CYSTM1: variants seen among roughly 807,000 people sequenced by gnomAD.
CYSTM1 encodes the protein cysteine rich transmembrane module containing 1.
CYSTM1 carries 4 observed loss-of-function variants against 13.1 expected under a neutral mutation model. The ratio of observed to expected loss-of-function variants is 0.31; its 90% CI spans 0.15 to 0.70. The LOEUF is 0.70. CYSTM1 is among the 30% of genes least tolerant of loss of function. The pLI is 0.72. For synonymous variants in CYSTM1, 36 were observed against 42.7 expected, an observed-to-expected ratio of 0.84 and a Z score of 0.62; for missense variants, 96 against 121.6, an observed-to-expected ratio of 0.79 and a Z score of 0.99.
intron 2 of CYSTM1, chr5:140,202,516 T>C (rs1301001339): frequency 6.6e-6 from 1 of 152,256 alleles, no homozygotes; most frequent in East Asian, 1.9e-4. Flanking sequence ...GGACAGGGCT[T>C]GAGCAGAAAG....
intron 2 of CYSTM1, among the ~76,000 whole-genome samples, chr5:140,237,822 A>G (rs17118759): frequency 0.23 from 35,153 of 152,138 alleles, 4,100 homozygotes; most frequent in African/African-American, 0.25. Context: ...GTTTCTCAGA[A>G]GGCTTGGTCT....
At chr5:140,240,136 C>G (rs1337298541) in intron 2 of CYSTM1, among the ~76,000 whole-genome samples, 1 of 152,064 alleles carries the variant, frequency 6.6e-6, no homozygotes, top group Non-Finnish European at 1.5e-5. Flanking sequence ...CTGCTACCAA[C>G]GTGCCCAGAA....
intron 2 of CYSTM1, among the ~76,000 whole-genome samples, chr5:140,229,532 T>A (rs1764596522): frequency 6.6e-6 from 1 of 152,110 alleles, no homozygotes; most frequent in South Asian, 2.1e-4. Context: ...TATGAGAAAT[T>A]TTAGAAGTCA....
At chr5:140,191,169 G>C (rs1764090128) in intron 1 of CYSTM1, among the ~76,000 whole-genome samples, 1 of 152,234 alleles carries the variant, frequency 6.6e-6, no homozygotes, top group Middle Eastern at 3.4e-3. Flanking sequence ...GACTTTTGCT[G>C]TTCTCTCACT....
chr5:140,198,561 G>A (rs1764181931), intron 2 of CYSTM1, among the ~76,000 whole-genome samples: 2 of 152,208 alleles, frequency 1.3e-5, no homozygotes, highest in South Asian at 4.1e-4. Flanking sequence ...GAAGCTGCCA[G>A]GATTTTGGGC....
chr5:140,223,040 A>C (rs1264118391), intron 2 of CYSTM1, among the ~76,000 whole-genome samples: 1 of 152,168 alleles, frequency 6.6e-6, no homozygotes, highest in South Asian at 2.1e-4. Flanking sequence ...TCTCTGCCTC[A>C]GTGCTGTATT....
chr5:140,223,353 G>T (rs900665590), intron 2 of CYSTM1, among the ~76,000 whole-genome samples: 4 of 152,192 alleles, frequency 2.6e-5, no homozygotes, highest in African/African-American at 7.2e-5. Context: ...ATATTTTGTT[G>T]TCAAGGCATT....
At chr5:140,238,677 C>T (rs937441913) in intron 2 of CYSTM1, among the ~76,000 whole-genome samples, 4 of 152,216 alleles carry the variant, frequency 2.6e-5, no homozygotes, top group Middle Eastern at 3.2e-3. Context: ...CTGCAGGAGC[C>T]GTCTCATGGC....
In CYSTM1 at chr5:140,212,397, C is replaced by T. The variant is rs180740585; in HGVS notation, c.187+17745C>T. On this transcript the variant is annotated intron_variant, in intron 2 of 2. Coordinates refer to ENST00000261811, the MANE Select transcript of CYSTM1 (RefSeq NM_032412.4). ...GATGCTGGTGTAAACGAACCTACTG[C>T]GCTGCCAGCTGTATAAAAGCATGGC... 4.2e-3 allele frequency among the ~76,000 whole-genome samples: 640 copies of T among 152,258 alleles called. 3 individuals are homozygous for T. Among genetic ancestry groups the T allele is most frequent in the Middle Eastern group, 0.017 (5 of 294 alleles).
intron 2 of CYSTM1, among the ~76,000 whole-genome samples, chr5:140,195,108 A>G (rs1445234223): frequency 3.3e-5 from 5 of 151,926 alleles, no homozygotes; most frequent in Admixed American, 6.6e-5. Flanking sequence ...TTAACCTGCC[A>G]GTTGAGTTTT....
At chr5:140,196,645 G>C (rs1171355582) in intron 2 of CYSTM1, among the ~76,000 whole-genome samples, 1 of 152,234 alleles carries the variant, frequency 6.6e-6, no homozygotes, top group Non-Finnish European at 1.5e-5. Flanking sequence ...AATCGGAGTA[G>C]TTGGTATTCA....
chr5:140,204,922 T>A (rs959163108), intron 2 of CYSTM1, among the ~76,000 whole-genome samples: 1 of 152,230 alleles, frequency 6.6e-6, no homozygotes, highest in Non-Finnish European at 1.5e-5. Context: ...CTTGCTATTT[T>A]AACTCCCATA....
At chr5:140,222,447 T>G (rs1406647732) in intron 2 of CYSTM1, among the ~76,000 whole-genome samples, 1 of 152,216 alleles carries the variant, frequency 6.6e-6, no homozygotes, top group Non-Finnish European at 1.5e-5. Flanking sequence ...ACTTAGGAAG[T>G]AGAGATGGCT....
chr5:140,205,958 A>G (rs929454497), intron 2 of CYSTM1, among the ~76,000 whole-genome samples: 4 of 152,126 alleles, frequency 2.6e-5, no homozygotes, highest in African/African-American at 9.7e-5. Context: ...AAGACCGCCT[A>G]ATAGCTTTCC....
At chr5:140,210,342 T>C (rs1764349466) in intron 2 of CYSTM1, among the ~76,000 whole-genome samples, 1 of 152,128 alleles carries the variant, frequency 6.6e-6, no homozygotes, top group Admixed American at 6.6e-5. Context: ...CTGTGTATTG[T>C]AGGATGCTCA....
chr5:140,199,192 T>A (rs1352161778), intron 2 of CYSTM1, among the ~76,000 whole-genome samples: 3 of 152,234 alleles, frequency 2.0e-5, no homozygotes, highest in Admixed American at 6.5e-5. Flanking sequence ...ACATTTTCTT[T>A]ATCCAGTCTA....
rs1388266737 is a variant in CYSTM1, at chr5:140,175,691, C to T, written c.-21+406C>T. On this transcript the variant is annotated intron_variant, in intron 1 of 2. Coordinates refer to ENST00000261811, the MANE Select transcript of CYSTM1 (RefSeq NM_032412.4). This position sits in a 1 kb window ranked among gnomAD's most constrained non-coding sequence, Gnocchi z 4.9. ...GGGCTGCGATTTCTGAGGCGCTGCT[C>T]TGCCTATTCCGAGCTGGGCCAGCCG... 6.6e-6 allele frequency among the ~76,000 whole-genome samples: 1 copy of T among 152,242 alleles called. No individual in the cohort carries two copies. Among genetic ancestry groups the T allele is most frequent in the Non-Finnish European group, 1.5e-5 (1 of 68,042 alleles).
intron 2 of CYSTM1, among the ~76,000 whole-genome samples, chr5:140,242,828 G>A (rs1764766899): frequency 1.3e-5 from 2 of 152,324 alleles, no homozygotes; most frequent in Middle Eastern, 6.8e-3. Context: ...TTCTGAAATT[G>A]TGTATTGCCC....
chr5:140,213,346 G>T (rs1764393180), intron 2 of CYSTM1, among the ~76,000 whole-genome samples: 1 of 152,092 alleles, frequency 6.6e-6, no homozygotes, highest in African/African-American at 2.4e-5. Flanking sequence ...TTGTTTAGCT[G>T]TATAATATAT....
Sources: gnomAD v4.1 joint callset for allele counts (sites outside exome capture counted in the v4.1 genomes callset) on GRCh38, gnomAD v4.1.1 for gene constraint, Gnocchi (gnomAD v3.1) non-coding constraint, MANE v1.5 for transcripts, NCBI Gene and HGNC (gene_info 2026-07-23, HGNC 2026-07-21) for gene names.